Variants in UGT1A8 observed in about 807,000 individuals in gnomAD.
UGT1A8 encodes the protein UDP-glucuronosyltransferase 1A8.
A neutral mutation model predicts 45.3 loss-of-function variants in UGT1A8; 39 were observed. The observed-to-expected ratio is 0.86, with a 90% confidence interval of 0.67 to 1.12. The LOEUF is 1.12. Among genes scored for constraint, UGT1A8 ranks in the 50% most tolerant of loss-of-function variants. UGT1A8 has a pLI of 0.00. For synonymous variants in UGT1A8, 275 were observed against 249.2 expected, an observed-to-expected ratio of 1.10 and a Z score of -0.97; for missense variants, 719 against 664.9, an observed-to-expected ratio of 1.08 and a Z score of -0.90.
intron 1 of UGT1A8, among the ~76,000 whole-genome samples, chr2:233,724,363 C>T (rs1212893783): frequency 1.6e-4 from 22 of 136,704 alleles, no homozygotes; most frequent in African/African-American, 2.2e-4. Flanking sequence ...CCCTCCCGGA[C>T]GGGGTGGCTG....
At position 233,668,455 on chromosome 2, in the gene UGT1A8, C is replaced by T. The variant is rs558040995; in HGVS notation, c.855+49893C>T. 1.2e-3 allele frequency among the ~76,000 whole-genome samples: 179 copies of T among 152,340 alleles called. 1 individual carries two copies. The highest frequency in any genetic ancestry group is 6.8e-3 in the South Asian group (33 of 4,832). On this transcript the variant is annotated intron_variant, in intron 1 of 4. Transcript: ENST00000373450. ...CACATTTTCTTAATCCAGTCTACCA[C>T]TGATGGACATTTGGGTTGCTTCCAA...
chr2:233,676,526 T>C (rs999298689), intron 1 of UGT1A8, among the ~76,000 whole-genome samples: 3 of 152,196 alleles, frequency 2.0e-5, no homozygotes, highest in African/African-American at 7.2e-5. Flanking sequence ...TCAGATTTCA[T>C]TAATTTTTAC....
chr2:233,639,029 A>C (rs1469890025), intron 1 of UGT1A8, among the ~76,000 whole-genome samples: 3 of 152,204 alleles, frequency 2.0e-5, no homozygotes, highest in East Asian at 3.8e-4. Context: ...CGAGTTGAGG[A>C]TCTGCCACTT....
intron 1 of UGT1A8, among the ~76,000 whole-genome samples, chr2:233,759,283 A>C (rs562983605): frequency 1.3e-5 from 2 of 152,282 alleles, no homozygotes; most frequent in East Asian, 3.9e-4. Flanking sequence ...TGATTGGTTG[A>C]TGAAGCTGAG....
At chr2:233,620,440 C>G (rs1421055115) in intron 1 of UGT1A8, among the ~76,000 whole-genome samples, 1 of 151,848 alleles carries the variant, frequency 6.6e-6, no homozygotes, top group South Asian at 2.1e-4. Context: ...TATTGTGGCC[C>G]AAGGGGTCAC....
At chr2:233,685,276 GC>G (rs2074732417) in intron 1 of UGT1A8, among the ~76,000 whole-genome samples, 1 of 152,030 alleles carries the variant, frequency 6.6e-6, no homozygotes, top group African/African-American at 2.4e-5. Flanking sequence ...CAAGTGATCC[GC>G]CCGCCTCCGC....
At chr2:233,710,916 A>G (rs1261394935) in intron 1 of UGT1A8, among the ~76,000 whole-genome samples, 1 of 152,218 alleles carries the variant, frequency 6.6e-6, no homozygotes, top group Non-Finnish European at 1.5e-5. Flanking sequence ...AGGTCTTTAG[A>G]CCACTTAGTC....
intron 1 of UGT1A8, among the ~76,000 whole-genome samples, chr2:233,628,385 A>C (rs1445673670): frequency 1.3e-5 from 2 of 152,188 alleles, no homozygotes; most frequent in Non-Finnish European, 2.9e-5. Flanking sequence ...AAAAATCTGC[A>C]TATAAGTGGA....
At chr2:233,684,319 T>C (rs568129015) in intron 1 of UGT1A8, among the ~76,000 whole-genome samples, 1 of 152,254 alleles carries the variant, frequency 6.6e-6, no homozygotes, top group Non-Finnish European at 1.5e-5. Context: ...GAGATGCAAG[T>C]TGTAGGACGC....
chr2:233,721,442 T>G (rs543362846), intron 1 of UGT1A8: 10 of 162,688 alleles, frequency 6.1e-5, no homozygotes, highest in Admixed American at 1.3e-4. Context: ...TTAATGTTGT[T>G]ATAGTGAGCA....
chr2:233,649,778 G>A (rs1346735367), intron 1 of UGT1A8, among the ~76,000 whole-genome samples: 1 of 152,142 alleles, frequency 6.6e-6, no homozygotes, highest in African/African-American at 2.4e-5. Flanking sequence ...AAAGTATAAA[G>A]CAGAATGCCC....
At chr2:233,719,183 T>C (rs1190201786) in intron 1 of UGT1A8, 5 of 1,614,222 alleles carry the variant, frequency 3.1e-6, no homozygotes, top group Non-Finnish European at 4.2e-6. Flanking sequence ...ACAATGTATC[T>C]TTGGCCCTTC....
In UGT1A8 at chr2:233,678,967, T is replaced by A. The variant is rs371211857; in HGVS notation, c.855+60405T>A. Among the ~76,000 whole-genome samples the A allele has an allele frequency of 1.2e-4, 18 of 152,348 alleles. No homozygotes were observed. The South Asian group carries it at 1.7e-3, about 14-fold the overall frequency. The stretch of plus-strand genomic sequence containing the variant: ...CAGAAGAAATGTACTGTTTGGGGCT[T>A]GGTGGCTTTCAAAGCTCTTTCTATA... On this transcript the variant is annotated intron_variant, in intron 1 of 4. Coordinates refer to ENST00000373450, the MANE Select transcript of UGT1A8 (RefSeq NM_019076.5).
At chr2:233,672,977 G>C (rs1208714981) in intron 1 of UGT1A8, among the ~76,000 whole-genome samples, 2 of 152,078 alleles carry the variant, frequency 1.3e-5, no homozygotes, top group Non-Finnish European at 2.9e-5. Flanking sequence ...CCTTCTTGAA[G>C]ATATGTATTT....
At chr2:233,655,214 G>T (rs529148294) in intron 1 of UGT1A8, among the ~76,000 whole-genome samples, 9 of 152,330 alleles carry the variant, frequency 5.9e-5, no homozygotes, top group African/African-American at 2.2e-4. Flanking sequence ...TGACTAATTT[G>T]TGATCACCAG....
At chr2:233,731,558 G>C (rs955136214) in intron 1 of UGT1A8, among the ~76,000 whole-genome samples, 5 of 152,170 alleles carry the variant, frequency 3.3e-5, no homozygotes, top group Non-Finnish European at 5.9e-5. Context: ...CCATGTGATA[G>C]TTTGCTGAGA....
intron 1 of UGT1A8, among the ~76,000 whole-genome samples, chr2:233,720,156 G>A (rs547433908): frequency 5.6e-4 from 86 of 152,302 alleles, no homozygotes; most frequent in Non-Finnish European, 7.8e-4. Context: ...ACAGGAAGTA[G>A]AAGTGTCAAA....
intron 1 of UGT1A8, among the ~76,000 whole-genome samples, chr2:233,731,408 T>C (rs2078155079): frequency 6.6e-6 from 1 of 152,094 alleles, no homozygotes; most frequent in Non-Finnish European, 1.5e-5. Flanking sequence ...TTACATTAGG[T>C]ATTTTTCCTA....
chr2:233,632,664 T>C (rs2073212951), intron 1 of UGT1A8, among the ~76,000 whole-genome samples: 1 of 152,186 alleles, frequency 6.6e-6, no homozygotes, highest in South Asian at 2.1e-4. Context: ...ATGCTTGTGA[T>C]TTTTGCATAT....
Sources: allele counts gnomAD v4.1 joint callset (sites outside exome capture counted in the v4.1 genomes callset), GRCh38; gene constraint gnomAD v4.1.1; transcripts MANE v1.5; gene names NCBI Gene and HGNC (gene_info 2026-07-23, HGNC 2026-07-21).